The following GYG1 variants were observed in gnomAD, a reference collection of about 807,000 sequenced individuals.
GYG1 encodes the protein glycogenin-1.
In GYG1, 44 loss-of-function variants were observed where a neutral mutation model predicts 41.9. The observed-to-expected ratio is 1.05, with a 90% CI of 0.83 to 1.35. GYG1 has a LOEUF of 1.35. Among genes scored for constraint, GYG1 ranks in the 40% most tolerant of loss-of-function variants. GYG1 has a pLI of 0.00. For synonymous variants in GYG1, 141 were observed against 158.1 expected, an observed-to-expected ratio of 0.89 and a Z score of 0.81; for missense variants, 429 against 418.9, an observed-to-expected ratio of 1.02 and a Z score of -0.21.
chr3:149,026,677 G>A (rs1714668157), intron 7 of GYG1, 83 bp from the exon 8 acceptor site: 2 of 1,154,780 alleles, frequency 1.7e-6, no homozygotes, highest in African/African-American at 1.5e-5. Context: ...ATTCATCCTG[G>A]CTTTTCTGTC....
intron 4 of GYG1, 103 bp downstream of exon 4, chr3:148,997,007 TATAAG>T (rs1712837479): frequency 4.5e-6 from 4 of 882,590 alleles, no homozygotes; most frequent in Non-Finnish European, 7.5e-6. Flanking sequence ...GCCTGGAAGA[TATAAG>T]AGATGGAGCA....
chr3:149,001,079 G>GC, intron 4 of GYG1: 1 of 152,264 alleles, frequency 6.6e-6, no homozygotes, highest in African/African-American at 2.4e-5. Flanking sequence ...TGTTGGACCT[G>GC]CCCAAAAAAA....
At chr3:149,005,576 G>C (rs755283563) in intron 4 of GYG1, among the ~76,000 whole-genome samples, 3 of 151,942 alleles carry the variant, frequency 2.0e-5, no homozygotes, top group Non-Finnish European at 4.4e-5. Context: ...AAATTTTTCT[G>C]CTGTTACAGA....
chr3:148,991,766 A>G (rs983171760), intron 1 of GYG1, 119 bp downstream of exon 1: 4 of 838,614 alleles, frequency 4.8e-6, no homozygotes, highest in East Asian at 3.0e-5. Context: ...AACCGCCGCA[A>G]AGTTGCTGGC....
At chr3:149,008,827 CT>C in intron 4 of GYG1, 1 of 188,734 alleles carries the variant, frequency 5.3e-6, no homozygotes, top group Non-Finnish European at 1.1e-5. Flanking sequence ...ATGGCCACTC[CT>C]TAAAATGTTT....
rs149479866 is a variant in GYG1 at position 148,996,359 on chromosome 3, C to T, written c.201C>T (p.Gly67=). ...TCATGGTAGATGTCTTGGACAGTGG[C>T]GATTCTGCTCATCTAACCTTAATGA... The part of the protein sequence containing the change: ...EVIMVDVLDS[G]DSAHLTLMKR... The change falls in exon 3 of 8, where the codon GGC becomes GGT. Residue 67 remains glycine (G), a synonymous_variant. Transcript: ENST00000345003. 85 of 1,611,406 alleles carry T rather than the reference C, an allele frequency of 5.3e-5. No individual in the cohort carries two copies. The highest frequency in any genetic ancestry group is 4.5e-4 in the East Asian group (20 of 44,872).
At chr3:149,017,852 A>G (rs934345524) in intron 5 of GYG1, among the ~76,000 whole-genome samples, 4 of 151,430 alleles carry the variant, frequency 2.6e-5, no homozygotes, top group East Asian at 1.9e-4. Flanking sequence ...AACTCAGGCA[A>G]TTCTCCCGCC....
At chr3:148,994,513 A>G (rs748416110) in intron 2 of GYG1, among the ~76,000 whole-genome samples, 1 of 53,014 alleles carries the variant, frequency 1.9e-5, no homozygotes, top group Non-Finnish European at 3.3e-5. Flanking sequence ...TTCTGGTTCC[A>G]ACTAGGAGGG....
Position 149,024,263 on chromosome 3 carries a change from T to G in GYG1, c.819T>G (p.Tyr273Ter). ...QFGLVKDTCSYVNVLSDLVYT... is the reference protein window; with the variant it reads ...QFGLVKDTCS ...GCCTTGTCAAAGACACCTGCTCATATGTAAATGTGGTAGGTTCTGTTTCTT... is the reference window on the plus strand; with the variant it reads ...GCCTTGTCAAAGACACCTGCTCATAGGTAAATGTGGTAGGTTCTGTTTCTT... The change falls in exon 6 of 8, where the codon TAT becomes TAG. Residue 273 changes from tyrosine (Y) to a stop codon, truncating the protein, a stop_gained. Coordinates refer to ENST00000345003, the MANE Select transcript of GYG1 (RefSeq NM_004130.4). LOFTEE classifies it high-confidence loss of function. 1 of 1,591,686 alleles carries G rather than the reference T, an allele frequency of 6.3e-7. No individual in the cohort carries two copies. Among genetic ancestry groups the G allele is most frequent in the African/African-American group, 1.3e-5 (1 of 74,594 alleles).
chr3:149,002,837 A>G (rs954724460), intron 4 of GYG1, among the ~76,000 whole-genome samples: 21 of 152,130 alleles, frequency 1.4e-4, no homozygotes, highest in Non-Finnish European at 2.8e-4. Context: ...CCTGGCCAAA[A>G]TGGTTAAACC....
At chr3:148,995,800 A>G (rs919415967) in intron 2 of GYG1, among the ~76,000 whole-genome samples, 2 of 152,186 alleles carry the variant, frequency 1.3e-5, no homozygotes, top group Non-Finnish European at 2.9e-5. Context: ...GATCCACCAT[A>G]AAGAGCTTTC....
Position 149,031,446 on chromosome 3 carries a change from C to T in GYG1, c.*4513C>T, listed in dbSNP as rs1715031690. 6.6e-6 allele frequency: 1 copy of T among 152,656 alleles called. No homozygotes were observed. The highest frequency in any genetic ancestry group is 1.9e-4 in the East Asian group (1 of 5,194). 9.5% of individuals were successfully genotyped at this position (152,656 alleles called of 1,614,324 possible). A position where few individuals can be genotyped will look rare whatever the true frequency, so the allele number is the denominator to read the frequency against. Reference sequence around the variant, plus strand: ...TCTATTTATAGAAATATCTATTTAGCAGTTCCATAATTTAAAATATTCAAA... The same window carrying T: ...TCTATTTATAGAAATATCTATTTAGTAGTTCCATAATTTAAAATATTCAAA... On this transcript the variant is annotated 3_prime_UTR_variant, in exon 8 of 8. Transcript: ENST00000345003.
intron 4 of GYG1, among the ~76,000 whole-genome samples, chr3:149,003,018 GTAAA>G (rs1281202015): frequency 2.0e-5 from 3 of 151,848 alleles, no homozygotes; most frequent in Non-Finnish European, 2.9e-5. Flanking sequence ...CTCTGTCTCT[GTAAA>G]TAAATAATAG....
rs926553173 is a variant in GYG1, at chr3:149,030,860, G to T, written c.*3927G>T. 2 of 151,332 alleles carry T rather than the reference G, an allele frequency of 1.3e-5. No individual in the cohort carries two copies. The highest frequency in any genetic ancestry group is 2.5e-5 in the African/African-American group (1 of 40,618). The allele number at this position is 151,332 out of a possible 1,614,324, so 9.4% of individuals were successfully genotyped here. ...ACAGGGAGAAAAGGACTTATCTGGTGAGAGATTTGGCATATACCTTCAATG... is the reference window on the plus strand; with the variant it reads ...ACAGGGAGAAAAGGACTTATCTGGTTAGAGATTTGGCATATACCTTCAATG... On this transcript the variant is annotated 3_prime_UTR_variant, in exon 8 of 8. Transcript: ENST00000345003.
At position 149,026,862 on chromosome 3, in the gene GYG1, G is replaced by A. The variant is rs1412375574; in HGVS notation, c.982G>A (p.Gly328Ser). ...AGAACGGAAGGAACGATGGGAACAGGGCCAGGCTGATTATATGGGAGCAGA... is the reference window on the plus strand; with the variant it reads ...AGAACGGAAGGAACGATGGGAACAGAGCCAGGCTGATTATATGGGAGCAGA... ...SEERKERWEQ[G>S]QADYMGADSF... is the part of the protein sequence containing the mutation. Residue 328 changes from glycine to serine, a missense_variant, in exon 8 of 8, where the codon GGC (glycine) becomes AGC (serine). Transcript: ENST00000345003. 2 of 1,613,892 alleles carry A rather than the reference G, an allele frequency of 1.2e-6. No individual in the cohort carries two copies. The highest frequency in any genetic ancestry group is 1.3e-5 in the African/African-American group (1 of 75,042).
intron 4 of GYG1, among the ~76,000 whole-genome samples, chr3:149,006,792 A>T (rs1447485122): frequency 6.6e-6 from 1 of 152,196 alleles, no homozygotes. Context: ...AGGCCTCTGT[A>T]CCTCAGCCAT....
chr3:149,003,058 G>A (rs4681167), intron 4 of GYG1, among the ~76,000 whole-genome samples: 45,127 of 151,232 alleles, frequency 0.3, 6,694 homozygotes, highest in Admixed American at 0.32. Flanking sequence ...TGAGTCACAT[G>A]TTCATGTCAG....
intron 5 of GYG1, among the ~76,000 whole-genome samples, chr3:149,021,289 G>A (rs1028483583): frequency 1.3e-5 from 2 of 152,136 alleles, no homozygotes; most frequent in Non-Finnish European, 2.9e-5. Flanking sequence ...TTATTTAATC[G>A]ATAGCTTTAT....
At chr3:149,018,269 C>A (rs1473581012) in intron 5 of GYG1, among the ~76,000 whole-genome samples, 2 of 152,054 alleles carry the variant, frequency 1.3e-5, no homozygotes, top group African/African-American at 4.8e-5. Flanking sequence ...GTGTTCAAGA[C>A]CTGTTGCTCA....
Sources: gnomAD v4.1 joint callset for allele counts (sites outside exome capture counted in the v4.1 genomes callset) on GRCh38, gnomAD v4.1.1 for gene constraint, MANE v1.5 for transcripts, NCBI Gene and HGNC (gene_info 2026-07-23, HGNC 2026-07-21) for gene names.